The following MECOM variants were observed in gnomAD, a reference collection of about 807,000 sequenced individuals.
MECOM encodes histone-lysine N-methyltransferase MECOM.
Under a neutral mutation model 116.3 loss-of-function variants are expected in MECOM, and 13 were observed. The ratio of observed to expected loss-of-function variants is 0.11; its 90% CI spans 0.07 to 0.18. The LOEUF (loss-of-function observed/expected upper bound fraction) is 0.18, where lower values mean the gene tolerates loss of function less well. Ranked by LOEUF, MECOM falls within the 10% of genes least tolerant of loss-of-function variation. The pLI is 1.00. For missense variants in MECOM, 1,299 were observed against 1,509.0 expected (o/e 0.86, Z 2.31); for synonymous variants, 528 against 535.2 (o/e 0.99, Z 0.19).
Position 169,265,124 on chromosome 3 carries a change from C to G in MECOM, c.375+116063G>C, listed in dbSNP as rs576239393. Among the ~76,000 whole-genome samples the G allele has an allele frequency of 8.5e-4, 129 of 151,988 alleles. 1 individual carries two copies. The highest frequency in any genetic ancestry group is 3.0e-3 in the African/African-American group (124 of 41,470). ...GAAGGAAGATTTTTTTTAACCTTAT[C>G]CATGGCTATGATATATGGTAAATAA... On this transcript the variant is annotated intron_variant, in intron 2 of 16. Transcript: ENST00000651503.
intron 2 of MECOM, among the ~76,000 whole-genome samples, chr3:169,302,270 T>G (rs748484243): frequency 2.6e-5 from 4 of 152,120 alleles, no homozygotes; most frequent in Non-Finnish European, 5.9e-5. Context: ...AGAGAATCAG[T>G]GATTCAAGGT....
intron 2 of MECOM, among the ~76,000 whole-genome samples, chr3:169,169,837 T>TC: frequency 1.6e-5 from 1 of 60,614 alleles, no homozygotes; most frequent in Non-Finnish European, 3.1e-5. Context: ...ACAGTTCTAC[T>TC]TTTTTTTTTT....
chr3:169,392,757 G>A (rs1418405940), intron 1 of MECOM, among the ~76,000 whole-genome samples: 1 of 152,172 alleles, frequency 6.6e-6, no homozygotes, highest in African/African-American at 2.4e-5. Flanking sequence ...CTATCCTTAA[G>A]TTTGCTAGAA....
At chr3:169,566,087 AAATACTT>A (rs1763201726) in intron 1 of MECOM, 2 of 343,656 alleles carry the variant, frequency 5.8e-6, no homozygotes, top group African/African-American at 4.5e-5. Flanking sequence ...AGGAACTGCC[AAATACTT>A]GTAAACCATC....
intron 1 of MECOM, among the ~76,000 whole-genome samples, chr3:169,435,892 A>G (rs905247147): frequency 2.6e-5 from 4 of 152,218 alleles, no homozygotes; most frequent in African/African-American, 9.6e-5. Flanking sequence ...CAATATTCCA[A>G]TAATGGACCA....
chr3:169,621,734 G>A (rs1235252209), intron 1 of MECOM, among the ~76,000 whole-genome samples: 1 of 152,168 alleles, frequency 6.6e-6, no homozygotes, highest in Non-Finnish European at 1.5e-5. Flanking sequence ...TCCAGCCTGG[G>A]CAATAGAGTG....
At chr3:169,572,109 T>C (rs1286498875) in intron 1 of MECOM, among the ~76,000 whole-genome samples, 1 of 152,180 alleles carries the variant, frequency 6.6e-6, no homozygotes, top group Non-Finnish European at 1.5e-5. Context: ...AGGGCTAATA[T>C]CCAGAATCTA....
At chr3:169,567,357 C>T (rs188976166) in intron 1 of MECOM, among the ~76,000 whole-genome samples, 43 of 152,362 alleles carry the variant, frequency 2.8e-4, no homozygotes, top group Admixed American at 2.3e-3. Flanking sequence ...CACCCCCACT[C>T]TCGTAGCTAG....
At chr3:169,284,769 G>A (rs1349803130) in intron 2 of MECOM, among the ~76,000 whole-genome samples, 1 of 152,140 alleles carries the variant, frequency 6.6e-6, no homozygotes. Context: ...AGTCAAAGGT[G>A]AATGACACAG....
At chr3:169,660,178 C>A (rs1378327149) in intron 1 of MECOM, among the ~76,000 whole-genome samples, 7 of 152,196 alleles carry the variant, frequency 4.6e-5, no homozygotes, top group African/African-American at 1.7e-4. Context: ...GCTGTCCTAG[C>A]TGCCCAAGAA....
intron 1 of MECOM, among the ~76,000 whole-genome samples, chr3:169,412,285 CA>C (rs10687946): frequency 0.25 from 25,816 of 104,690 alleles, 2,363 homozygotes; most frequent in Non-Finnish European, 0.33. Flanking sequence ...GACTCTGTCT[CA>C]AAAAAAAAAA....
At chr3:169,627,060 A>G (rs1192087640) in intron 1 of MECOM, among the ~76,000 whole-genome samples, 1 of 152,208 alleles carries the variant, frequency 6.6e-6, no homozygotes, top group African/African-American at 2.4e-5. Context: ...GGATCAATCA[A>G]TTAATCATTT....
intron 1 of MECOM, among the ~76,000 whole-genome samples, chr3:169,662,615 C>T (rs1199386124): frequency 1.3e-5 from 2 of 150,004 alleles, no homozygotes; most frequent in South Asian, 2.1e-4. Context: ...CTTGGTGTCC[C>T]CTACTCCCCG....
chr3:169,112,409 C>T lies in MECOM; in HGVS notation c.2577+378G>A, dbSNP rs1215959910. 2.6e-5 allele frequency among the ~76,000 whole-genome samples: 4 copies of T among 152,196 alleles called. No individual in the cohort carries two copies. The East Asian group carries it at 7.7e-4, about 29-fold the overall frequency. On this transcript the variant is annotated intron_variant, in intron 9 of 16. Coordinates refer to ENST00000651503, the MANE Select transcript of MECOM (RefSeq NM_004991.4). Reference sequence around the variant, plus strand: ...TGTTTTTATCTAAGCCCGAAAAGAACAAGAATGACCTTCATGAGTATGGGA... The same window carrying T: ...TGTTTTTATCTAAGCCCGAAAAGAATAAGAATGACCTTCATGAGTATGGGA...
chr3:169,317,741 A>G (rs1207502098), intron 2 of MECOM, among the ~76,000 whole-genome samples: 1 of 152,232 alleles, frequency 6.6e-6, no homozygotes, highest in East Asian at 1.9e-4. Context: ...ATGAGCTACC[A>G]TTGACTTTCT....
intron 1 of MECOM, among the ~76,000 whole-genome samples, chr3:169,662,861 C>T (rs1365271789): frequency 6.6e-6 from 1 of 152,002 alleles, no homozygotes; most frequent in East Asian, 1.9e-4. Flanking sequence ...AAAAGGCTCC[C>T]TTCTCCTGCC....
At chr3:169,511,482 C>T (rs1755946616) in intron 1 of MECOM, among the ~76,000 whole-genome samples, 1 of 152,194 alleles carries the variant, frequency 6.6e-6, no homozygotes, top group South Asian at 2.1e-4. Flanking sequence ...TATTTTTAGG[C>T]CAGGTGCAGT....
At chr3:169,460,552 T>A (rs1243627375) in intron 1 of MECOM, among the ~76,000 whole-genome samples, 1 of 152,200 alleles carries the variant, frequency 6.6e-6, no homozygotes, top group East Asian at 1.9e-4. Flanking sequence ...TAAATACATT[T>A]CAAGGAAAAT....
At chr3:169,387,298 A>G (rs1733500277) in intron 1 of MECOM, among the ~76,000 whole-genome samples, 2 of 152,230 alleles carry the variant, frequency 1.3e-5, no homozygotes, top group African/African-American at 4.8e-5. Flanking sequence ...GCGCCTGTGA[A>G]CGGCAGGCTA....
Sources: allele counts gnomAD v4.1 joint callset (sites outside exome capture counted in the v4.1 genomes callset), GRCh38; gene constraint gnomAD v4.1.1; transcripts MANE v1.5; gene names NCBI Gene and HGNC (gene_info 2026-07-23, HGNC 2026-07-21).